The following TDRD5 variants were observed in gnomAD, a reference collection of about 807,000 sequenced individuals.
The protein encoded by TDRD5 is tudor domain containing 5.
A neutral mutation model predicts 120.6 loss-of-function variants in TDRD5; 41 were observed. That is an observed-to-expected ratio of 0.34 (90% CI 0.26 to 0.44). The LOEUF (loss-of-function observed/expected upper bound fraction) is 0.44. TDRD5 is among the 20% of genes least tolerant of loss of function. The pLI, the probability that TDRD5 is intolerant of heterozygous loss-of-function variation, is 1.00. For synonymous variants in TDRD5, 430 were observed against 433.7 expected (o/e 0.99, Z 0.11); for missense variants, 1,006 against 1,221.2 (o/e 0.82, Z 2.63).
At chr1:179,620,298 C>T (rs1482785408) in intron 5 of TDRD5, among the ~76,000 whole-genome samples, 1 of 151,854 alleles carries the variant, frequency 6.6e-6, no homozygotes, top group Non-Finnish European at 1.5e-5. Flanking sequence ...ATTTAGAAAA[C>T]AAAGATTTTT....
intron 11 of TDRD5, among the ~76,000 whole-genome samples, chr1:179,646,613 G>T (rs919876761): frequency 4.0e-5 from 6 of 149,466 alleles, no homozygotes; most frequent in African/African-American, 1.2e-4. Flanking sequence ...GGGCAATTAG[G>T]CAGGAGAAGG....
chr1:179,654,315 C>G lies in TDRD5; in HGVS notation c.2275C>G (p.Pro759Ala), dbSNP rs1678875894. 1.9e-6 allele frequency: 3 copies of G among 1,548,280 alleles called. No individual in the cohort carries two copies. Among genetic ancestry groups the G allele is most frequent in the Non-Finnish European group, 2.6e-6 (3 of 1,145,726 alleles). The change falls in exon 14 of 18, where the codon CCA becomes GCA. Residue 759 changes from proline (P) to alanine (A), a missense_variant. This residue lies in a region of TDRD5 where 403 missense variants were observed against 448.1 expected (regional missense o/e 0.90). Coordinates refer to ENST00000444136, the MANE Select transcript of TDRD5 (RefSeq NM_001199085.3). ...KTCNKSFEED[P>A]KWSNPEPNDL... ...CTGTAATAAGAGCTTTGAAGAAGAT[C>G]CAAAGTGGTCCAACCCAGAACCAAA...
At chr1:179,667,961 A>G (rs966374294) in intron 16 of TDRD5, among the ~76,000 whole-genome samples, 6 of 152,194 alleles carry the variant, frequency 3.9e-5, no homozygotes, top group Non-Finnish European at 1.5e-5. Flanking sequence ...TGTTTGTACA[A>G]TTATTGTTTC....
chr1:179,689,584 A>G (rs1450989570), intron 17 of TDRD5, among the ~76,000 whole-genome samples: 1 of 152,234 alleles, frequency 6.6e-6, no homozygotes, highest in Non-Finnish European at 1.5e-5. Context: ...CAAAGCTGTC[A>G]GCCAGGGACG....
chr1:179,678,087 G>A (rs1049042413), intron 17 of TDRD5, among the ~76,000 whole-genome samples: 3 of 152,090 alleles, frequency 2.0e-5, no homozygotes, highest in Admixed American at 1.3e-4. Flanking sequence ...CGGCTGCTAT[G>A]GGGGTGGGGG....
chr1:179,656,377 A>G (rs1679007835), intron 14 of TDRD5, among the ~76,000 whole-genome samples: 1 of 152,156 alleles, frequency 6.6e-6, no homozygotes, highest in African/African-American at 2.4e-5. Context: ...TCTCACTTGT[A>G]GCTTGTCTTT....
Position 179,662,160 on chromosome 1 carries a change from T to A in TDRD5, c.2379T>A (p.Ile793=), listed in dbSNP as rs1679345965. Residue 793 remains isoleucine (I), a synonymous_variant, in exon 15 of 18, where the codon ATT becomes ATA. Coordinates refer to ENST00000444136, the MANE Select transcript of TDRD5 (RefSeq NM_001199085.3). The part of the protein sequence containing the change: ...CLESVTIGDD[I]WDENWLPLQA... ...AGTCAGTGACCATAGGTGATGATAT[T>A]TGGGATGAGAACTGGTTACCTCTAC... 2 of 1,610,258 alleles carry A rather than the reference T, an allele frequency of 1.2e-6. No individual in the cohort carries two copies. The highest frequency in any genetic ancestry group is 2.2e-5 in the South Asian group (2 of 90,204).
intron 14 of TDRD5, among the ~76,000 whole-genome samples, chr1:179,657,622 TAAATC>T (rs67196615): frequency 0.24 from 36,227 of 151,864 alleles, 4,788 homozygotes; most frequent in East Asian, 0.34. Flanking sequence ...CCTCATAAAA[TAAATC>T]TGAATATATT....
chr1:179,635,515 C>T, intron 8 of TDRD5, 152 bp from the exon 9 acceptor site: 5 of 715,888 alleles, frequency 7.0e-6, no homozygotes, highest in Non-Finnish European at 1.1e-5. Context: ...CATTCTGAAT[C>T]AGTAAGTCTG....
intron 11 of TDRD5, among the ~76,000 whole-genome samples, chr1:179,648,744 A>C (rs1678546516): frequency 6.6e-6 from 1 of 151,922 alleles, no homozygotes; most frequent in South Asian, 2.1e-4. Context: ...TATCTAAATG[A>C]GACGTGGACC....
chr1:179,664,248 T>G (rs1337460778), intron 16 of TDRD5, among the ~76,000 whole-genome samples: 1 of 152,162 alleles, frequency 6.6e-6, no homozygotes, highest in Non-Finnish European at 1.5e-5. Flanking sequence ...ATGAATTTAG[T>G]TTCAGGATAA....
chr1:179,682,399 C>T (rs995077032), intron 17 of TDRD5, among the ~76,000 whole-genome samples: 5 of 152,068 alleles, frequency 3.3e-5, no homozygotes, highest in African/African-American at 1.2e-4. Context: ...TCCCTTGCCC[C>T]CCACCCACCA....
rs1327588104 is a variant in TDRD5, at chr1:179,662,105, A to C, written c.2324A>C (p.Asp775Ala). The C allele has an allele frequency of 2.6e-6, 4 of 1,546,084 alleles. No homozygotes were observed. In the South Asian group the frequency reaches 3.8e-5, roughly 15 times the overall value. ...TCTTTGTCTTCTGTTACATTTTAGG[A>C]TGAGATCCCCACTGGAATGCCATGC... ...EPNDLKEENEDEIPTGMPCLE... is the reference protein window; with the variant it reads ...EPNDLKEENEAEIPTGMPCLE... The change falls in exon 15 of 18, where the codon GAT becomes GCT. Residue 775 changes from aspartate (D) to alanine (A), a missense_variant and splice_region_variant. Transcript: ENST00000444136.
Position 179,621,031 on chromosome 1 carries a change from T to G in TDRD5, c.916-4T>G, listed in dbSNP as rs1405277666. ...TATATTGTATTTCACTTTCTATTTG[T>G]TAGGTTGTATCTAAGTTCCCAGAGG... On this transcript the variant is annotated splice_polypyrimidine_tract_variant and splice_region_variant and intron_variant, in intron 5 of 17. Transcript: ENST00000444136. 6.3e-7 allele frequency: 1 copy of G among 1,597,256 alleles called. No individual in the cohort carries two copies. Among genetic ancestry groups the G allele is most frequent in the Non-Finnish European group, 8.5e-7 (1 of 1,174,010 alleles).
At chr1:179,621,132 T>G in intron 6 of TDRD5, 41 bp downstream of exon 6, 1 of 1,553,030 alleles carries the variant, frequency 6.4e-7, no homozygotes, top group South Asian at 1.2e-5. Flanking sequence ...TTTTTATGGC[T>G]TATATTTCTT....
rs1221763313 is a variant in TDRD5 at position 179,652,203 on chromosome 1, A to C, written c.2160+6A>C. On this transcript the variant is annotated splice_donor_region_variant and intron_variant, in intron 13 of 17. Transcript: ENST00000444136. ...AGAGTGAGTTACGTATCTTGGTAAG[A>C]GATTTTTGCAAATACTATTATAATT... 1.3e-6 allele frequency: 2 copies of C among 1,593,148 alleles called. No homozygotes were observed. The highest frequency in any genetic ancestry group is 1.7e-6 in the Non-Finnish European group (2 of 1,174,866).
At position 179,593,046 on chromosome 1, in the gene TDRD5, A is replaced by G. The variant is rs142342816; in HGVS notation, c.232+199A>G. On this transcript the variant is annotated intron_variant, in intron 2 of 17. Coordinates refer to ENST00000444136, the MANE Select transcript of TDRD5 (RefSeq NM_001199085.3). ...AATTAACAAACCATTCCCCCAAACA[A>G]TCGTGCACTCACAAAAGCTACATTT... Among the ~76,000 whole-genome samples, 415 of 152,316 alleles carry G rather than the reference A, an allele frequency of 2.7e-3. 3 individuals are homozygous for G. The highest frequency in any genetic ancestry group is 9.4e-3 in the African/African-American group (392 of 41,558).
At chr1:179,619,040 T>A (rs537894500) in intron 5 of TDRD5, among the ~76,000 whole-genome samples, 3 of 152,282 alleles carry the variant, frequency 2.0e-5, no homozygotes, top group Non-Finnish European at 2.9e-5. Context: ...GTACCCTGTT[T>A]CATGTAGAGA....
chr1:179,606,021 C>T (rs1675962046), intron 4 of TDRD5, among the ~76,000 whole-genome samples: 1 of 151,956 alleles, frequency 6.6e-6, no homozygotes. Flanking sequence ...TGCTAAACTG[C>T]CTTCCAAAGT....
Sources: gnomAD v4.1 joint callset for allele counts (sites outside exome capture counted in the v4.1 genomes callset) on GRCh38, gnomAD v4.1.1 for gene constraint, gnomAD v4.1.1 regional missense constraint, MANE v1.5 for transcripts, NCBI Gene and HGNC (gene_info 2026-07-23, HGNC 2026-07-21) for gene names.